CENPI: variants seen among roughly 807,000 people sequenced by gnomAD.
CENPI encodes centromere protein I.
Under a neutral mutation model 60.4 loss-of-function variants are expected in CENPI, and 4 were observed. The observed-to-expected ratio is 0.07, with a 90% CI of 0.03 to 0.15. The LOEUF (loss-of-function observed/expected upper bound fraction) is 0.15. Among genes scored for constraint, CENPI ranks in the 10% least tolerant of loss-of-function variants. CENPI has a pLI of 1.00. For missense variants in CENPI, 444 were observed against 534.5 expected, an observed-to-expected ratio of 0.83 and a Z score of 1.67; for synonymous variants, 157 against 189.4, an observed-to-expected ratio of 0.83 and a Z score of 1.40.
At position 101,102,312 on chromosome X, in the gene CENPI, G is replaced by A; in HGVS notation, c.265G>A (p.Glu89Lys). The A allele has an allele frequency of 2.5e-6, 3 of 1,194,861 alleles. No individual in the cohort carries two copies. Among genetic ancestry groups the A allele is most frequent in the Non-Finnish European group, 3.4e-6 (3 of 883,640 alleles). Residue 89 changes from glutamate (E) to lysine (K), a missense_variant, in exon 4 of 22, where the codon GAA (glutamate) becomes AAA (lysine). Coordinates refer to ENST00000682095, the MANE Select transcript of CENPI (RefSeq NM_001386188.2). ...KASQNKDKTL[E>K]KHLKTVENVA... ...TTCACAGAATAAAGATAAAACCTTG[G>A]AAAAACACTTGAAAACTGTGGAAAA...
At chrX:101,153,666 C>T (rs904756366) in intron 20 of CENPI, among the ~76,000 whole-genome samples, 1 of 111,765 alleles carries the variant, frequency 8.9e-6, no homozygotes, top group East Asian at 2.8e-4. Flanking sequence ...AGATACAAAT[C>T]CTTTATCAAA....
At chrX:101,111,720 T>C (rs1602773152) in intron 6 of CENPI, among the ~76,000 whole-genome samples, 1 of 111,792 alleles carries the variant, frequency 8.9e-6, no homozygotes, top group South Asian at 3.7e-4. Flanking sequence ...CGAGCCAAAC[T>C]AGCTCCATTT....
intron 15 of CENPI, among the ~76,000 whole-genome samples, chrX:101,134,288 T>C (rs1481839138): frequency 9.0e-6 from 1 of 111,243 alleles, no homozygotes; most frequent in African/African-American, 3.3e-5. Context: ...GATGCATGGA[T>C]AGGTGGATAT....
At chrX:101,161,376 G>A (rs12012318) in intron 20 of CENPI, 152 bp from the exon 21 acceptor site, 114,831 of 464,370 alleles carry the variant, frequency 0.25, 9,725 homozygotes, top group South Asian at 0.33. Context: ...AGGAATCCAA[G>A]AGTGATGGTA....
the CENPI span, among the ~76,000 whole-genome samples, chrX:101,176,259 C>A: frequency 9.0e-6 from 1 of 111,069 alleles, no homozygotes; most frequent in East Asian, 2.8e-4. Flanking sequence ...TCACAGGTGT[C>A]CCTTTGATAT....
chrX:101,124,459 A>G (rs1451974507), intron 8 of CENPI, among the ~76,000 whole-genome samples: 1 of 110,886 alleles, frequency 9.0e-6, no homozygotes, highest in African/African-American at 3.3e-5. Context: ...TATCTAAAAA[A>G]CCCTCACAGA....
At chrX:101,169,703 A>G (rs902027614), downstream of CENPI, among the ~76,000 whole-genome samples, 7 of 111,929 alleles carry the variant, frequency 6.3e-5, no homozygotes, top group Admixed American at 3.8e-4. Flanking sequence ...AAGCATTGTT[A>G]TCATCAGAGA....
At chrX:101,148,270 A>G (rs368042718) in intron 20 of CENPI, 109 bp downstream of exon 20, 3 of 670,302 alleles carry the variant, frequency 4.5e-6, no homozygotes, top group Non-Finnish European at 6.7e-6. Flanking sequence ...GTGTTTAGTA[A>G]TTTTTTTTAA....
intron 11 of CENPI, among the ~76,000 whole-genome samples, chrX:101,128,488 A>C (rs2089760239): frequency 9.0e-6 from 1 of 110,798 alleles, no homozygotes; most frequent in African/African-American, 3.3e-5. Flanking sequence ...ACAGAGCGAG[A>C]CTCCATCTCA....
At chrX:101,179,909 A>G in the CENPI span, among the ~76,000 whole-genome samples, 6 of 112,027 alleles carry the variant, frequency 5.4e-5, no homozygotes, top group African/African-American at 1.9e-4. Flanking sequence ...GGAACCACCA[A>G]ACTTTTTCAG....
At chrX:101,158,272 CTTTTTTT>C (rs35564589) in intron 20 of CENPI, among the ~76,000 whole-genome samples, 1 of 65,881 alleles carries the variant, frequency 1.5e-5, no homozygotes, top group Non-Finnish European at 2.7e-5. Flanking sequence ...GGCAGTATGG[CTTTTTTT>C]TTTTTTTTTT....
chrX:101,170,326 T>C (rs1438365717), downstream of CENPI, among the ~76,000 whole-genome samples: 1 of 112,001 alleles, frequency 8.9e-6, no homozygotes, highest in Non-Finnish European at 1.9e-5. Flanking sequence ...ACCATAGACT[T>C]GTGTAAGTAT....
chrX:101,099,046 T>TTTTC (rs3842469), intron 2 of CENPI, among the ~76,000 whole-genome samples: 28,219 of 108,284 alleles, frequency 0.26, 4,516 homozygotes, highest in African/African-American at 0.59. Flanking sequence ...TTCTTTTCTC[T>TTTTC]TTTCTTTCTT....
At position 101,146,303 on chromosome X, in the gene CENPI, G is replaced by A. The variant is rs199768402; in HGVS notation, c.1826+26G>A. ...GTACAAAGCCTTTTTACCATTTTATGAAACAGTGTATTATAATTCTCTCTT... is the reference window on the plus strand; with the variant it reads ...GTACAAAGCCTTTTTACCATTTTATAAAACAGTGTATTATAATTCTCTCTT... On this transcript the variant is annotated intron_variant, in intron 18 of 21. Transcript: ENST00000682095. 3.0e-4 allele frequency: 352 copies of A among 1,165,112 alleles called. No homozygotes were observed. In the East Asian group the frequency reaches 6.0e-3, roughly 20 times the overall value.
intron 20 of CENPI, among the ~76,000 whole-genome samples, chrX:101,158,348 G>A (rs915664270): frequency 3.2e-5 from 3 of 94,277 alleles, no homozygotes; most frequent in African/African-American, 4.1e-5. Flanking sequence ...CGCAATCTCC[G>A]CTCACCACAA....
At chrX:101,140,019 G>T (rs866445022) in intron 15 of CENPI, among the ~76,000 whole-genome samples, 1 of 110,023 alleles carries the variant, frequency 9.1e-6, no homozygotes, top group Non-Finnish European at 1.9e-5. Flanking sequence ...TGTATTTTTA[G>T]TAGAGACGGG....
chrX:101,144,749 T>C (rs2089948575), intron 16 of CENPI, among the ~76,000 whole-genome samples: 1 of 111,233 alleles, frequency 9.0e-6, no homozygotes, highest in Admixed American at 9.7e-5. Flanking sequence ...GAATACCTAT[T>C]TTTTAATGGT....
At chrX:101,159,450 C>T (rs1260330388) in intron 20 of CENPI, among the ~76,000 whole-genome samples, 2 of 109,676 alleles carry the variant, frequency 1.8e-5, no homozygotes, top group Non-Finnish European at 3.8e-5. Flanking sequence ...GTGTGAGCCA[C>T]CGCGCCTGGC....
chrX:101,112,189 C>T (rs935804349), intron 6 of CENPI, among the ~76,000 whole-genome samples: 2 of 112,283 alleles, frequency 1.8e-5, no homozygotes, highest in African/African-American at 3.2e-5. Context: ...AGTGAAAAAT[C>T]AAAGTTTGGA....
Sources: gnomAD v4.1 joint callset for allele counts (sites outside exome capture counted in the v4.1 genomes callset) on GRCh38, gnomAD v4.1.1 for gene constraint, MANE v1.5 for transcripts, NCBI Gene and HGNC (gene_info 2026-07-23, HGNC 2026-07-21) for gene names.